Variants in PTPRT observed in about 807,000 individuals in gnomAD.
PTPRT encodes protein tyrosine phosphatase receptor type T, also known as receptor-type tyrosine-protein phosphatase T.
Under a neutral mutation model 176.8 loss-of-function variants are expected in PTPRT, and 56 were observed. The observed-to-expected ratio is 0.32, with a 90% CI of 0.26 to 0.40. PTPRT has a LOEUF of 0.40. PTPRT is among the 10% of genes least tolerant of loss of function. The pLI, the probability that PTPRT is intolerant of heterozygous loss-of-function variation, is 1.00. For synonymous variants in PTPRT, 783 were observed against 739.0 expected, an observed-to-expected ratio of 1.06 and a Z score of -0.96; for missense variants, 1,540 against 1,908.2, an observed-to-expected ratio of 0.81 and a Z score of 3.60.
At chr20:42,228,019 A>G (rs2056056952) in intron 15 of PTPRT, among the ~76,000 whole-genome samples, 1 of 152,168 alleles carries the variant, frequency 6.6e-6, no homozygotes, top group Admixed American at 6.5e-5. Context: ...GAGAATCTCC[A>G]TACTCTCATT....
rs372162478 is a variant in PTPRT, at chr20:43,040,040, C to CA, written c.88+149605dup. On this transcript the variant is annotated intron_variant, in intron 1 of 30. Coordinates refer to ENST00000373187, the MANE Select transcript of PTPRT (RefSeq NM_007050.6). ...TGGGCAACAGAGCAAGACCTGGTCT[C>CA]AAAAAAAAAGGAATAAAGAAGAAGA... 4.6e-3 allele frequency among the ~76,000 whole-genome samples: 662 copies of CA among 143,592 alleles called. 4 individuals carry two copies. Among genetic ancestry groups the CA allele is most frequent in the African/African-American group, 0.016 (616 of 38,852 alleles). The allele number at this position is 143,592 out of a possible 152,430, so 94.2% of individuals were successfully genotyped here.
chr20:42,128,625 A>T, intron 19 of PTPRT, 129 bp downstream of exon 19: 1 of 709,422 alleles, frequency 1.4e-6, no homozygotes, highest in Non-Finnish European at 2.2e-6. Flanking sequence ...GGGTTACACT[A>T]GTTCCACATA....
chr20:42,510,206 G>A lies in PTPRT; in HGVS notation c.1154-37644C>T, dbSNP rs537690535. 9.2e-5 allele frequency among the ~76,000 whole-genome samples: 14 copies of A among 152,136 alleles called. No homozygotes were observed. The South Asian group carries it at 2.3e-3, about 25-fold the overall frequency. ...ATCATGTGCATAAGTTCAGGGCCCC[G>A]TTGTGTTTCCAATACCTAACCCCCC... On this transcript the variant is annotated intron_variant, in intron 7 of 30. Transcript: ENST00000373187.
intron 2 of PTPRT, among the ~76,000 whole-genome samples, chr20:42,862,899 G>C (rs1895453268): frequency 6.6e-6 from 1 of 152,060 alleles, no homozygotes; most frequent in African/African-American, 2.4e-5. Flanking sequence ...GGAAGCTTGG[G>C]CCCAGCTGTT....
At chr20:43,046,898 T>G (rs1986860487) in intron 1 of PTPRT, among the ~76,000 whole-genome samples, 1 of 152,180 alleles carries the variant, frequency 6.6e-6, no homozygotes, top group Non-Finnish European at 1.5e-5. Context: ...ATTTCTGAGC[T>G]CCAAAGAATA....
At chr20:43,119,448 A>AT (rs1260493559) in intron 1 of PTPRT, among the ~76,000 whole-genome samples, 1 of 152,150 alleles carries the variant, frequency 6.6e-6, no homozygotes, top group African/African-American at 2.4e-5. Context: ...TAAGTTGTCC[A>AT]TAAGTGAACA....
chr20:43,003,994 A>T (rs1210476514), intron 1 of PTPRT, among the ~76,000 whole-genome samples: 1 of 152,214 alleles, frequency 6.6e-6, no homozygotes, highest in African/African-American at 2.4e-5. Flanking sequence ...TTTATTGCTA[A>T]ATTTATTAAG....
At position 42,489,052 on chromosome 20, in the gene PTPRT, GTGTGTGTT is replaced by G. The variant is rs1309348753; in HGVS notation, c.1154-16498_1154-16491del. On this transcript the variant is annotated intron_variant, in intron 7 of 30. Coordinates refer to ENST00000373187, the MANE Select transcript of PTPRT (RefSeq NM_007050.6). Reference sequence around the variant, plus strand: ...TGTGTGTGTGTGTGTGTGTGTGTGTGTGTGTGTTCTTTGCTGATTCTCAAGGTTTTATT... The same window carrying G: ...TGTGTGTGTGTGTGTGTGTGTGTGTGCTTTGCTGATTCTCAAGGTTTTATT... 3.5e-5 allele frequency among the ~76,000 whole-genome samples: 4 copies of G among 114,888 alleles called. No homozygotes were observed. The East Asian group carries it at 9.7e-4, about 28-fold the overall frequency. 75.4% of individuals were successfully genotyped at this position (114,888 alleles called of 152,430 possible).
chr20:42,684,768 A>C (rs2075662974), intron 6 of PTPRT, among the ~76,000 whole-genome samples: 1 of 152,196 alleles, frequency 6.6e-6, no homozygotes, highest in Non-Finnish European at 1.5e-5. Flanking sequence ...GCCTTCAGAA[A>C]AAATAACAGA....
intron 1 of PTPRT, among the ~76,000 whole-genome samples, chr20:43,029,544 A>G (rs946697433): frequency 1.4e-4 from 21 of 152,370 alleles, no homozygotes; most frequent in African/African-American, 5.0e-4. Context: ...AGATCGGGGT[A>G]TCACTTGTAT....
intron 3 of PTPRT, among the ~76,000 whole-genome samples, chr20:42,780,783 A>G (rs2077203066): frequency 1.3e-5 from 2 of 152,212 alleles, no homozygotes; most frequent in African/African-American, 4.8e-5. Context: ...TGAATCTATA[A>G]TAACACTCTT....
chr20:42,276,524 TA>T, intron 13 of PTPRT, among the ~76,000 whole-genome samples: 7 of 39,598 alleles, frequency 1.8e-4, no homozygotes, highest in African/African-American at 5.9e-4. Context: ...TATATATATA[TA>T]TATATATATA....
intron 1 of PTPRT, among the ~76,000 whole-genome samples, chr20:43,051,393 A>G (rs1163144993): frequency 6.6e-6 from 1 of 152,206 alleles, no homozygotes. Context: ...CCCTTCCCTT[A>G]GTTCTAGGTC....
intron 1 of PTPRT, among the ~76,000 whole-genome samples, chr20:43,123,476 T>A (rs1284499555): frequency 2.6e-5 from 4 of 152,164 alleles, no homozygotes; most frequent in African/African-American, 4.8e-5. Context: ...CAGGGAGTCC[T>A]CTTAAAAGAG....
chr20:42,049,241 A>G, the PTPRT span, among the ~76,000 whole-genome samples: 9 of 152,232 alleles, frequency 5.9e-5, no homozygotes, highest in African/African-American at 1.9e-4. Context: ...AACAGGGTAT[A>G]TATGTGACAA....
At position 42,084,693 on chromosome 20, in the gene PTPRT, C is replaced by G; in HGVS notation, c.4125G>C (p.Val1375=). 6.5e-7 allele frequency: 1 copy of G among 1,530,280 alleles called. No homozygotes were observed. The highest frequency in any genetic ancestry group is 1.4e-5 in the South Asian group (1 of 73,078). 94.8% of individuals were successfully genotyped at this position (1,530,280 alleles called of 1,614,324 possible). Residue 1375 remains valine, a synonymous_variant, in exon 29 of 31, where the codon GTG becomes GTC. Coordinates refer to ENST00000373187, the MANE Select transcript of PTPRT (RefSeq NM_007050.6). The part of the protein sequence containing the change: ...EQYDGREGRT[V]VHCLNGGGRS... The stretch of plus-strand genomic sequence containing the variant: ...TCCCTAGTACTCACAGGCAGTGGAC[C>G]ACAGTACGTCCCTCCCTCCCGTCAT...
chr20:42,428,028 C>T lies in PTPRT; in HGVS notation c.1560+20192G>A, dbSNP rs575253047. ...TCTTTTGGGACTCAGCCCTCCTGCACCCAGGTGAAATAAACAGCCATGTTG... is the reference window on the plus strand; with the variant it reads ...TCTTTTGGGACTCAGCCCTCCTGCATCCAGGTGAAATAAACAGCCATGTTG... On this transcript the variant is annotated intron_variant, in intron 9 of 30. Coordinates refer to ENST00000373187, the MANE Select transcript of PTPRT (RefSeq NM_007050.6). Among the ~76,000 whole-genome samples the T allele has an allele frequency of 7.9e-5, 12 of 152,308 alleles. No individual in the cohort carries two copies. In the South Asian group the frequency reaches 2.5e-3, roughly 32 times the overall value.
At chr20:42,673,577 A>G (rs1362324627) in intron 7 of PTPRT, among the ~76,000 whole-genome samples, 1 of 152,130 alleles carries the variant, frequency 6.6e-6, no homozygotes, top group Non-Finnish European at 1.5e-5. Flanking sequence ...AGGTGCCAGC[A>G]GATTAAGTGT....
At chr20:43,025,774 T>C (rs564536725) in intron 1 of PTPRT, among the ~76,000 whole-genome samples, 9 of 152,188 alleles carry the variant, frequency 5.9e-5, no homozygotes, top group Non-Finnish European at 1.2e-4. Flanking sequence ...ATTCTATTGG[T>C]AACTGTCATG....
Sources: allele counts gnomAD v4.1 joint callset (sites outside exome capture counted in the v4.1 genomes callset), GRCh38; gene constraint gnomAD v4.1.1; transcripts MANE v1.5; gene names NCBI Gene and HGNC (gene_info 2026-07-23, HGNC 2026-07-21).